The following MYH13 variants were observed in gnomAD, a reference collection of about 807,000 sequenced individuals.
MYH13 encodes myosin heavy chain 13.
Under a neutral mutation model 232.1 loss-of-function variants are expected in MYH13, and 177 were observed. The observed-to-expected ratio is 0.76, with a 90% CI of 0.67 to 0.86. The LOEUF is 0.86. Ranked by LOEUF, MYH13 falls within the 40% of genes least tolerant of loss-of-function variation. MYH13 has a pLI of 0.00. For missense variants in MYH13, 2,246 were observed against 2,405.9 expected (o/e 0.93, Z 1.39); for synonymous variants, 884 against 923.5 (o/e 0.96, Z 0.78).
Position 10,319,195 on chromosome 17 carries a change from T to C in MYH13, c.3349-16A>G, listed in dbSNP as rs1467153104. ...CTATGCGGGCCTGAAAGGATTACTC[T>C]ATCAGGAATGTTATTGTGGAGGAGG... On this transcript the variant is annotated splice_polypyrimidine_tract_variant and intron_variant, in intron 26 of 40. Coordinates refer to ENST00000252172, the MANE Select transcript of MYH13 (RefSeq NM_003802.3). 2.5e-6 allele frequency: 4 copies of C among 1,607,018 alleles called. No individual in the cohort carries two copies. The South Asian group carries it at 3.3e-5, about 13-fold the overall frequency.
In MYH13 at chr17:10,327,871, G is replaced by A. The variant is rs762833839; in HGVS notation, c.2686C>T (p.Gln896Ter). ...CTCAAGTAGAAGGTACTTACAGACTGGACCTGCAATTGGAGGTCATTCTTC... is the reference window on the plus strand; with the variant it reads ...CTCAAGTAGAAGGTACTTACAGACTAGACCTGCAATTGGAGGTCATTCTTC... The part of the protein sequence containing the change: ...QEKNDLQLQV[Q>*]SETENLMDAE... Residue 896 changes from glutamine (Q) to a stop codon, truncating the protein, a stop_gained, in exon 22 of 41, where the codon CAG (glutamine) becomes TAG (stop). Coordinates refer to ENST00000252172, the MANE Select transcript of MYH13 (RefSeq NM_003802.3). LOFTEE classifies it high-confidence loss of function. The A allele has an allele frequency of 4.3e-6, 7 of 1,612,430 alleles. No homozygotes were observed. Among genetic ancestry groups the A allele is most frequent in the Non-Finnish European group, 5.9e-6 (7 of 1,179,508 alleles).
At chr17:10,302,349 C>T (rs1374352436) in intron 39 of MYH13, among the ~76,000 whole-genome samples, 1 of 152,138 alleles carries the variant, frequency 6.6e-6, no homozygotes, top group Non-Finnish European at 1.5e-5. Context: ...TTTTGGTCCT[C>T]AGAACAGTAG....
rs749102234 is a variant in MYH13 at position 10,307,068 on chromosome 17, CAAG to C, written c.5170-7_5170-5del. The C allele has an allele frequency of 2.3e-3, 3,667 of 1,613,678 alleles. 7 individuals carry two copies. The highest frequency in any genetic ancestry group is 2.7e-3 in the Non-Finnish European group (3,194 of 1,179,808). ...TGGTATTTATCAGGCTTGTGTTCTA[CAAG>C]AAGAATTAGATATCAGGGGTGTGGG... On this transcript the variant is annotated splice_region_variant and splice_polypyrimidine_tract_variant and intron_variant, in intron 35 of 40. Coordinates refer to ENST00000252172, the MANE Select transcript of MYH13 (RefSeq NM_003802.3).
chr17:10,320,569 T>C (rs2142232522), intron 24 of MYH13, 73 bp from the exon 25 acceptor site: 2 of 1,519,704 alleles, frequency 1.3e-6, no homozygotes, highest in Middle Eastern at 2.1e-4. Flanking sequence ...AGTGTAGCCA[T>C]ACACGTGGCC....
Position 10,311,094 on chromosome 17 carries a change from G to C in MYH13, c.4656+9C>G. The C allele has an allele frequency of 6.2e-7, 1 of 1,613,854 alleles. No homozygotes were observed. The highest frequency in any genetic ancestry group is 8.5e-7 in the Non-Finnish European group (1 of 1,179,840). On this transcript the variant is annotated intron_variant, in intron 33 of 40. Coordinates refer to ENST00000252172, the MANE Select transcript of MYH13 (RefSeq NM_003802.3). ...CTGAATTTCTGAATGTCATATCCTA[G>C]ACACTTACCTCCACTTCTTCTAAGG...
Position 10,312,774 on chromosome 17 carries a change from T to A in MYH13, c.4182-17A>T, listed in dbSNP as rs765238511. On this transcript the variant is annotated splice_polypyrimidine_tract_variant and intron_variant, in intron 30 of 40. Transcript: ENST00000252172. ...AGTTTTTTCCTACGAAAACCAGATT[T>A]TTTTTTTCCCCTTCGCAAAGGTGGA... The A allele has an allele frequency of 6.3e-7, 1 of 1,599,828 alleles. No homozygotes were observed. Among genetic ancestry groups the A allele is most frequent in the South Asian group, 1.1e-5 (1 of 88,416 alleles).
chr17:10,347,712 CTT>C (rs71139041), intron 12 of MYH13, among the ~76,000 whole-genome samples: 246 of 86,716 alleles, frequency 2.8e-3, no homozygotes, highest in Non-Finnish European at 4.0e-3. Context: ...GGGACTACTT[CTT>C]TTTTTTTTTT....
chr17:10,360,203 G>A lies in MYH13; in HGVS notation c.506-15C>T. 1 of 1,611,864 alleles carries A rather than the reference G, an allele frequency of 6.2e-7. No homozygotes were observed. The highest frequency in any genetic ancestry group is 1.1e-5 in the South Asian group (1 of 90,630). ...GTTGTCTCGATCTAGAAATGCAGAGGGAAGCAAAACAAAACAAATAAACAA... is the reference window on the plus strand; with the variant it reads ...GTTGTCTCGATCTAGAAATGCAGAGAGAAGCAAAACAAAACAAATAAACAA... On this transcript the variant is annotated splice_polypyrimidine_tract_variant and intron_variant, in intron 5 of 40. Coordinates refer to ENST00000252172, the MANE Select transcript of MYH13 (RefSeq NM_003802.3).
At chr17:10,315,264 T>C (rs1351470964) in intron 29 of MYH13, among the ~76,000 whole-genome samples, 1 of 152,186 alleles carries the variant, frequency 6.6e-6, no homozygotes, top group Non-Finnish European at 1.5e-5. Flanking sequence ...GTTCCCACCA[T>C]GCTGCAAGGC....
intron 22 of MYH13, chr17:10,324,912 C>T (rs1265922721): frequency 1.3e-5 from 2 of 152,462 alleles, no homozygotes; most frequent in African/African-American, 4.8e-5. Flanking sequence ...CATCCTCACA[C>T]TCCTGTGCTC....
intron 3 of MYH13, among the ~76,000 whole-genome samples, chr17:10,363,498 C>T (rs1039193016): frequency 1.4e-4 from 22 of 152,210 alleles, no homozygotes; most frequent in African/African-American, 5.3e-4. Flanking sequence ...TTCCACTCCA[C>T]CACCCAAGAC....
In MYH13 at chr17:10,364,290, G is replaced by A. The variant is rs766142640; in HGVS notation, c.204+37C>T. On this transcript the variant is annotated intron_variant, in intron 3 of 40. Coordinates refer to ENST00000252172, the MANE Select transcript of MYH13 (RefSeq NM_003802.3). ...TTCTACTCCAAAGAAAAATGAGCAT[G>A]CCCATATTATCAAAGACATCTGTAA... 9 of 1,573,886 alleles carry A rather than the reference G, an allele frequency of 5.7e-6. No individual in the cohort carries two copies. The South Asian group carries it at 6.8e-5, about 12-fold the overall frequency.
chr17:10,338,938 T>G (rs9902422), intron 18 of MYH13, among the ~76,000 whole-genome samples: 114,108 of 151,972 alleles, frequency 0.75, 43,772 homozygotes, highest in East Asian at 0.89. Flanking sequence ...CCTGACCTCG[T>G]GATCCACCCG....
intron 35 of MYH13, 62 bp downstream of exon 35, chr17:10,309,172 G>A (rs1365392322): frequency 1.3e-6 from 2 of 1,513,976 alleles, no homozygotes; most frequent in Non-Finnish European, 8.9e-7. Context: ...GCAGCTGCAC[G>A]GTGCAGGAGG....
chr17:10,370,342 T>C (rs899536677), intron 2 of MYH13, among the ~76,000 whole-genome samples: 4 of 152,222 alleles, frequency 2.6e-5, no homozygotes, highest in Admixed American at 6.5e-5. Context: ...TTTTGACTGA[T>C]AAACTTCACC....
intron 22 of MYH13, chr17:10,324,830 T>C (rs567288394): frequency 6.6e-6 from 1 of 152,094 alleles, no homozygotes; most frequent in South Asian, 2.1e-4. Flanking sequence ...AATTTGTTCA[T>C]TTATTTCTTT....
rs147721381 is a variant in MYH13, at chr17:10,336,472, C to T, written c.2057-3281G>A. Among the ~76,000 whole-genome samples the T allele has an allele frequency of 1.1e-4, 16 of 152,214 alleles. No homozygotes were observed. The East Asian group carries it at 1.4e-3, about 13-fold the overall frequency. ...AAATATGCTGTATCTTATGATGATC[C>T]GGCATCATGGGGCCTCCTCGCTGGC... On this transcript the variant is annotated intron_variant, in intron 18 of 40. Coordinates refer to ENST00000252172, the MANE Select transcript of MYH13 (RefSeq NM_003802.3).
rs751362016 is a variant in MYH13, at chr17:10,357,835, TAAAC to T, written c.646-12_646-9del. ...CTGATCCTCTAGGGTTCCCTAATAA[TAAAC>T]AAGAAGAGGAAAAAGAGGACTTTGG... On this transcript the variant is annotated splice_polypyrimidine_tract_variant and intron_variant, in intron 7 of 40. Transcript: ENST00000252172. 2 of 1,610,326 alleles carry T rather than the reference TAAAC, an allele frequency of 1.2e-6. No homozygotes were observed. The highest frequency in any genetic ancestry group is 1.7e-6 in the Non-Finnish European group (2 of 1,177,770).
intron 29 of MYH13, among the ~76,000 whole-genome samples, chr17:10,314,439 A>C (rs1906631003): frequency 1.3e-5 from 2 of 151,992 alleles, no homozygotes; most frequent in Non-Finnish European, 2.9e-5. Context: ...AAGGCAATAA[A>C]TGACACACTT....
Sources: gnomAD v4.1 joint callset for allele counts (sites outside exome capture counted in the v4.1 genomes callset) on GRCh38, gnomAD v4.1.1 for gene constraint, MANE v1.5 for transcripts, NCBI Gene and HGNC (gene_info 2026-07-23, HGNC 2026-07-21) for gene names.